The following MEGF6 variants were observed in gnomAD, a reference collection of about 807,000 sequenced individuals.
MEGF6 encodes the protein multiple epidermal growth factor-like domains protein 6.
Under a neutral mutation model 207.1 loss-of-function variants are expected in MEGF6, and 184 were observed. The ratio of observed to expected loss-of-function variants is 0.89; its 90% confidence interval spans 0.79 to 1.00. The LOEUF is 1.00. MEGF6 is among the 50% of genes least tolerant of loss of function. The pLI is 0.00. For synonymous variants in MEGF6, 1,038 were observed against 910.0 expected (o/e 1.14, Z -2.53); for missense variants, 2,282 against 2,202.9 (o/e 1.04, Z -0.72).
chr1:3,592,966 C>T (rs950139635), intron 3 of MEGF6, among the ~76,000 whole-genome samples: 3 of 152,134 alleles, frequency 2.0e-5, no homozygotes, highest in Non-Finnish European at 2.9e-5. Context: ...CAGCCCAGCC[C>T]GGGCTGCCCC....
the MEGF6 span, among the ~76,000 whole-genome samples, chr1:3,621,945 C>T: frequency 2.2e-4 from 34 of 152,182 alleles, no homozygotes; most frequent in Non-Finnish European, 4.3e-4. Context: ...GACCATTTAC[C>T]GAGTGCCAGT....
intron 4 of MEGF6, among the ~76,000 whole-genome samples, chr1:3,552,738 G>A (rs1046762693): frequency 2.0e-5 from 3 of 152,182 alleles, no homozygotes; most frequent in Non-Finnish European, 4.4e-5. Context: ...CCTTGGAAAT[G>A]AGGAGGCCAC....
chr1:3,514,758 C>A, intron 6 of MEGF6, 86 bp from the exon 7 acceptor site: 1 of 1,394,430 alleles, frequency 7.2e-7, no homozygotes, highest in Non-Finnish European at 9.6e-7. Context: ...TTGTGAGACC[C>A]CTCACCCAGT....
intron 4 of MEGF6, among the ~76,000 whole-genome samples, chr1:3,553,016 C>T (rs990927341): frequency 6.6e-6 from 1 of 152,156 alleles, no homozygotes; most frequent in Non-Finnish European, 1.5e-5. Context: ...GCCCCTAATC[C>T]CCTCCAGACA....
chr1:3,510,941 C>A, intron 9 of MEGF6, 39 bp from the exon 10 acceptor site: 2 of 1,575,592 alleles, frequency 1.3e-6, no homozygotes, highest in Non-Finnish European at 1.7e-6. Flanking sequence ...GTACCAGGCA[C>A]CTGCACGTGC....
Position 3,497,099 on chromosome 1 carries a change from CA to C in MEGF6, c.3501del (p.Phe1167LeufsTer107). ...GCEQACPPGS[F>X]GEDCAQMCQC... ...TGGCACATCTGCGCACAGTCCTCCC[CA>C]AAGCTGCCGGGTGGGCAGGCTGGGT... On this transcript the variant is annotated frameshift_variant, in exon 28 of 37. Transcript: ENST00000356575. LOFTEE classifies it high-confidence loss of function. The C allele has an allele frequency of 6.4e-7, 1 of 1,572,524 alleles. No individual in the cohort carries two copies. Among genetic ancestry groups the C allele is most frequent in the South Asian group, 1.2e-5 (1 of 86,588 alleles).
Position 3,559,571 on chromosome 1 carries a change from T to G in MEGF6, c.481+20254A>C, listed in dbSNP as rs144139395. 4.7e-3 allele frequency among the ~76,000 whole-genome samples: 694 copies of G among 149,214 alleles called. 5 individuals carry two copies. Among genetic ancestry groups the G allele is most frequent in the African/African-American group, 0.017 (671 of 40,496 alleles). On this transcript the variant is annotated intron_variant, in intron 4 of 36. Transcript: ENST00000356575. The stretch of plus-strand genomic sequence containing the variant: ...AAGAAGAAGTCTACTTGCAAACACT[T>G]GTGATAATCACACTTACAAACCCAG...
At chr1:3,608,123 T>C (rs1449427367) in intron 1 of MEGF6, among the ~76,000 whole-genome samples, 1 of 152,058 alleles carries the variant, frequency 6.6e-6, no homozygotes, top group Non-Finnish European at 1.5e-5. Flanking sequence ...AGGCTCGTTT[T>C]TACCCCCATG....
chr1:3,524,665 C>T (rs1170404027), intron 4 of MEGF6, among the ~76,000 whole-genome samples: 3 of 152,224 alleles, frequency 2.0e-5, no homozygotes, highest in Non-Finnish European at 2.9e-5. Context: ...CGGCCATGCC[C>T]AGGCTGTGGG....
chr1:3,547,929 T>C (rs1642767134), intron 4 of MEGF6, among the ~76,000 whole-genome samples: 1 of 152,110 alleles, frequency 6.6e-6, no homozygotes. Flanking sequence ...GTGACCTGCC[T>C]TGAGAAGGTG....
intron 4 of MEGF6, 56 bp downstream of exon 4, chr1:3,579,769 C>T: frequency 7.7e-7 from 1 of 1,299,234 alleles, no homozygotes; most frequent in Non-Finnish European, 1.0e-6. Flanking sequence ...CATCCTCGCC[C>T]CTTGCCCACA....
intron 4 of MEGF6, among the ~76,000 whole-genome samples, chr1:3,555,024 C>A (rs1008505381): frequency 1.1e-4 from 16 of 152,300 alleles, no homozygotes; most frequent in Non-Finnish European, 2.9e-5. Context: ...CCGGCCCTCT[C>A]CCGTCCTGGA....
intron 4 of MEGF6, among the ~76,000 whole-genome samples, chr1:3,534,214 A>G (rs1346864080): frequency 6.6e-6 from 1 of 152,254 alleles, no homozygotes; most frequent in Non-Finnish European, 1.5e-5. Flanking sequence ...CTTCTCAGTC[A>G]GTATGTTCTT....
rs774581283 is a variant in MEGF6 at position 3,495,939 on chromosome 1, G to A, written c.3822C>T (p.Thr1274=). 2.8e-5 allele frequency: 44 copies of A among 1,592,894 alleles called. No individual in the cohort carries two copies. The highest frequency in any genetic ancestry group is 1.3e-4 in the East Asian group (6 of 44,548). The change falls in exon 30 of 37, where the codon ACC becomes ACT. Residue 1274 remains threonine, a synonymous_variant. Coordinates refer to ENST00000356575, the MANE Select transcript of MEGF6 (RefSeq NM_001409.4). ...CGQGAACDPV[T]GTCLCPPGRA... The stretch of plus-strand genomic sequence containing the variant: ...TCCCCGGGGGGCAGAGGCAGGTGCC[G>A]GTCACAGGGTCGCAGGCCGCCCCCT...
At chr1:3,497,423 G>A (rs866462716) in intron 26 of MEGF6, 62 bp from the exon 27 acceptor site, 3 of 1,459,842 alleles carry the variant, frequency 2.1e-6, no homozygotes, top group Middle Eastern at 1.8e-4. Flanking sequence ...TGTGGGCCAG[G>A]ACAGGCCGGG....
chr1:3,567,283 G>A (rs1164222670), intron 4 of MEGF6, among the ~76,000 whole-genome samples: 1 of 152,210 alleles, frequency 6.6e-6, no homozygotes, highest in Non-Finnish European at 1.5e-5. Context: ...ACCCGCCAGG[G>A]CTCACCCAGC....
At chr1:3,550,903 G>A (rs1225555541) in intron 4 of MEGF6, among the ~76,000 whole-genome samples, 1 of 152,262 alleles carries the variant, frequency 6.6e-6, no homozygotes, top group Non-Finnish European at 1.5e-5. Context: ...CCTAACGGGT[G>A]TGACAGTGGG....
intron 21 of MEGF6, 133 bp downstream of exon 21, chr1:3,500,500 G>T: frequency 7.7e-7 from 1 of 1,302,680 alleles, no homozygotes; most frequent in Non-Finnish European, 1.0e-6. Context: ...CACAGGAGGG[G>T]GCGCGGCCAA....
At chr1:3,528,465 A>AT (rs1642039591) in intron 4 of MEGF6, among the ~76,000 whole-genome samples, 1 of 152,186 alleles carries the variant, frequency 6.6e-6, no homozygotes, top group East Asian at 1.9e-4. Context: ...TGAATAACGA[A>AT]TGTCCCCCAG....
Sources: allele counts gnomAD v4.1 joint callset (sites outside exome capture counted in the v4.1 genomes callset), GRCh38; gene constraint gnomAD v4.1.1; transcripts MANE v1.5; gene names NCBI Gene and HGNC (gene_info 2026-07-23, HGNC 2026-07-21).